The following CRBN variants were observed in gnomAD, a reference collection of about 807,000 sequenced individuals.
CRBN encodes cereblon.
In CRBN, 53 loss-of-function variants were observed where a neutral mutation model predicts 62.2. The ratio of observed to expected loss-of-function variants is 0.85; its 90% CI spans 0.68 to 1.07. The LOEUF is 1.07. Among genes scored for constraint, CRBN ranks in the 50% least tolerant of loss-of-function variants. The pLI, the probability that CRBN is intolerant of heterozygous loss-of-function variation, is 0.00. For synonymous variants in CRBN, 208 were observed against 176.1 expected, an observed-to-expected ratio of 1.18 and a Z score of -1.43; for missense variants, 616 against 531.1, an observed-to-expected ratio of 1.16 and a Z score of -1.57.
intron 6 of CRBN, chr3:3,155,246 CATATGCAAA>C (rs1706834377): frequency 5.9e-6 from 1 of 168,482 alleles, no homozygotes; most frequent in Non-Finnish European, 1.3e-5. Context: ...TTTTCACAAG[CATATGCAAA>C]ACATGCAAAA....
chr3:3,157,436 G>T (rs192646803), intron 5 of CRBN, among the ~76,000 whole-genome samples: 2 of 152,134 alleles, frequency 1.3e-5, no homozygotes, highest in African/African-American at 4.8e-5. Flanking sequence ...GAATAAGGTA[G>T]ATCAAAAGGC....
chr3:3,152,178 TCTCA>T (rs1706607433), intron 10 of CRBN, among the ~76,000 whole-genome samples: 1 of 149,586 alleles, frequency 6.7e-6, no homozygotes, highest in Non-Finnish European at 1.5e-5. Flanking sequence ...ATAGACAGAT[TCTCA>T]CTCTGTCACC....
intron 10 of CRBN, among the ~76,000 whole-genome samples, chr3:3,151,799 C>G (rs1005432460): frequency 6.7e-6 from 1 of 148,996 alleles, no homozygotes; most frequent in African/African-American, 2.5e-5. Context: ...AACAGGTTCC[C>G]AGGATCATAG....
chr3:3,168,046 T>G (rs1362872158), intron 4 of CRBN, among the ~76,000 whole-genome samples: 1 of 152,008 alleles, frequency 6.6e-6, no homozygotes, highest in East Asian at 1.9e-4. Flanking sequence ...GAAAGGGAGA[T>G]CTACACATTT....
chr3:3,160,514 C>T (rs1452947622), intron 5 of CRBN, among the ~76,000 whole-genome samples: 1 of 152,140 alleles, frequency 6.6e-6, no homozygotes, highest in Non-Finnish European at 1.5e-5. Flanking sequence ...CACAAGTGTA[C>T]ATACAAGATG....
intron 5 of CRBN, among the ~76,000 whole-genome samples, chr3:3,161,009 T>C (rs1559248095): frequency 6.6e-6 from 1 of 152,102 alleles, no homozygotes; most frequent in Non-Finnish European, 1.5e-5. Context: ...GGAAAAGTAA[T>C]GAAACCACAG....
At chr3:3,171,986 G>C (rs1375627966) in intron 4 of CRBN, among the ~76,000 whole-genome samples, 2 of 152,094 alleles carry the variant, frequency 1.3e-5, no homozygotes, top group Non-Finnish European at 2.9e-5. Flanking sequence ...TCCGTTAAGA[G>C]GTAATATCCA....
chr3:3,161,575 G>A (rs1707140853), intron 5 of CRBN, among the ~76,000 whole-genome samples: 1 of 152,132 alleles, frequency 6.6e-6, no homozygotes, highest in South Asian at 2.1e-4. Context: ...ATTTAGTAGA[G>A]ACGGGGTTTC....
intron 2 of CRBN, 121 bp downstream of exon 2, chr3:3,175,042 C>CTAT: frequency 3.8e-6 from 1 of 261,976 alleles, no homozygotes; most frequent in Non-Finnish European, 8.4e-6. Context: ...GCAAATAGCC[C>CTAT]ATGTCCTCAT....
chr3:3,178,848 G>A (rs1707941595), intron 1 of CRBN, among the ~76,000 whole-genome samples: 1 of 150,966 alleles, frequency 6.6e-6, no homozygotes, highest in African/African-American at 2.4e-5. Context: ...AGCATCTCTT[G>A]AAAGGCATTC....
intron 5 of CRBN, among the ~76,000 whole-genome samples, chr3:3,158,865 CTTGAA>C (rs1707021235): frequency 6.6e-6 from 1 of 152,158 alleles, no homozygotes; most frequent in Non-Finnish European, 1.5e-5. Flanking sequence ...CAAATCTCAT[CTTGAA>C]TTGTAGTTCC....
chr3:3,153,934 A>T (rs755466110), intron 8 of CRBN, 26 bp downstream of exon 8: 1 of 1,404,678 alleles, frequency 7.1e-7, no homozygotes, highest in South Asian at 1.2e-5. Flanking sequence ...AAACATGGGC[A>T]TCAAAAACAT....
chr3:3,169,243 T>C (rs1464387210), intron 4 of CRBN, among the ~76,000 whole-genome samples: 1 of 152,202 alleles, frequency 6.6e-6, no homozygotes. Flanking sequence ...ATGGCCAGGG[T>C]CCACTGCATA....
At chr3:3,155,380 G>A (rs1012036008) in intron 6 of CRBN, 1 of 154,928 alleles carries the variant, frequency 6.5e-6, no homozygotes, top group Non-Finnish European at 1.4e-5. Context: ...CAGATTTGTG[G>A]GCAGTGATTC....
At chr3:3,149,673 T>A (rs965852593), downstream of CRBN, 2 of 152,062 alleles carry the variant, frequency 1.3e-5, no homozygotes, top group African/African-American at 4.8e-5. Context: ...AAAGTAGACC[T>A]TAGAAAAAAT....
intron 9 of CRBN, chr3:3,152,967 T>C (rs988802240): frequency 3.6e-5 from 11 of 301,432 alleles, no homozygotes; most frequent in Non-Finnish European, 6.3e-5. Context: ...CAGAAAGCAG[T>C]TTCCTTACCT....
At chr3:3,152,973 T>TA in intron 9 of CRBN, 1 of 300,580 alleles carries the variant, frequency 3.3e-6, no homozygotes, top group Non-Finnish European at 6.3e-6. Context: ...GCAGTTTCCT[T>TA]ACCTTCTTGA....
At chr3:3,149,666 G>A (rs1208961774), downstream of CRBN, 1 of 151,954 alleles carries the variant, frequency 6.6e-6, no homozygotes, top group Non-Finnish European at 1.5e-5. Flanking sequence ...AGTAGTAAAA[G>A]TAGACCTTAG....
intron 5 of CRBN, among the ~76,000 whole-genome samples, chr3:3,157,434 T>C (rs187776082): frequency 1.3e-5 from 2 of 152,232 alleles, no homozygotes; most frequent in East Asian, 1.9e-4. Context: ...AGGAATAAGG[T>C]AGATCAAAAG....
Sources: allele counts gnomAD v4.1 joint callset (sites outside exome capture counted in the v4.1 genomes callset), GRCh38; gene constraint gnomAD v4.1.1; transcripts MANE v1.5; gene names NCBI Gene and HGNC (gene_info 2026-07-23, HGNC 2026-07-21).